Variants in ATP8A2 observed in about 807,000 individuals in gnomAD.
ATP8A2 encodes phospholipid-transporting ATPase IB.
ATP8A2 carries 100 observed loss-of-function variants against 165.6 expected under a neutral mutation model. The ratio of observed to expected loss-of-function variants is 0.60; its 90% CI spans 0.51 to 0.71. The LOEUF (loss-of-function observed/expected upper bound fraction) is 0.71. ATP8A2 is among the 30% of genes least tolerant of loss of function. The pLI, the probability that ATP8A2 is intolerant of heterozygous loss-of-function variation, is 0.00. For synonymous variants in ATP8A2, 543 were observed against 548.8 expected (o/e 0.99, Z 0.15); for missense variants, 1,227 against 1,479.5 (o/e 0.83, Z 2.80).
At chr13:25,560,067 A>G (rs555711279) in intron 15 of ATP8A2, among the ~76,000 whole-genome samples, 8 of 152,214 alleles carry the variant, frequency 5.3e-5, no homozygotes, top group African/African-American at 1.9e-4. Flanking sequence ...GCCTCAAGCT[A>G]TCCTCCCGCT....
chr13:25,925,791 G>T (rs1954588061), intron 33 of ATP8A2, among the ~76,000 whole-genome samples: 1 of 150,186 alleles, frequency 6.7e-6, no homozygotes, highest in Non-Finnish European at 1.5e-5. Flanking sequence ...GCAATGGCAT[G>T]ATCTCGGCTC....
At chr13:25,995,344 C>T (rs1956474957) in intron 35 of ATP8A2, among the ~76,000 whole-genome samples, 1 of 150,572 alleles carries the variant, frequency 6.6e-6, no homozygotes, top group Admixed American at 6.6e-5. Context: ...TGATTTCCTT[C>T]CTTCTGCTTG....
intron 33 of ATP8A2, among the ~76,000 whole-genome samples, chr13:25,905,107 G>A (rs1953893743): frequency 6.6e-6 from 1 of 151,228 alleles, no homozygotes; most frequent in Admixed American, 6.6e-5. Context: ...CCATTGTCAT[G>A]TTATTATCCA....
chr13:25,672,537 T>C (rs1178099659), intron 24 of ATP8A2, among the ~76,000 whole-genome samples: 2 of 152,202 alleles, frequency 1.3e-5, no homozygotes, highest in East Asian at 1.9e-4. Flanking sequence ...GTTTTTCAAA[T>C]CTGTGCCACC....
At chr13:25,459,562 C>A (rs7996355) in intron 1 of ATP8A2, among the ~76,000 whole-genome samples, 55,649 of 151,946 alleles carry the variant, frequency 0.37, 11,251 homozygotes, top group East Asian at 0.6. Flanking sequence ...TATGTCCATG[C>A]AAGAAATAAT....
intron 2 of ATP8A2, among the ~76,000 whole-genome samples, chr13:25,469,422 A>G (rs2035778062): frequency 6.6e-6 from 1 of 152,156 alleles, no homozygotes; most frequent in Non-Finnish European, 1.5e-5. Context: ...TGCTCTTTTC[A>G]TCCCTGGGCT....
chr13:25,653,561 TACCTATATATCAA>T (rs904186679), intron 24 of ATP8A2, among the ~76,000 whole-genome samples: 4 of 152,218 alleles, frequency 2.6e-5, no homozygotes, highest in Non-Finnish European at 4.4e-5. Flanking sequence ...GACTCAAGTT[TACCTATATATCAA>T]ACCTGCCCAT....
intron 18 of ATP8A2, 93 bp downstream of exon 18, chr13:25,571,785 A>G: frequency 1.8e-6 from 2 of 1,114,702 alleles, no homozygotes; most frequent in South Asian, 2.5e-5. Flanking sequence ...TGATAGCTAA[A>G]TTTCTCTTTC....
rs1246987391 is a variant in ATP8A2, at chr13:26,020,890, T to C, written c.*905T>C. On this transcript the variant is annotated 3_prime_UTR_variant, in exon 37 of 37. Transcript: ENST00000381655. ...AACGTCTCTCTGCCTCTGTCTGACA[T>C]GGGGCCACCCCACAGGTCAGAGTGG... is the stretch of plus-strand genomic sequence containing the variant. 1 of 152,298 alleles carries C rather than the reference T, an allele frequency of 6.6e-6. No homozygotes were observed. The highest frequency in any genetic ancestry group is 1.5e-5 in the Non-Finnish European group (1 of 68,072). The allele number at this position is 152,298 out of a possible 1,614,324, so 9.4% of individuals were successfully genotyped here. A position where few individuals can be genotyped will look rare whatever the true frequency, so the allele number is the denominator to read the frequency against.
intron 33 of ATP8A2, among the ~76,000 whole-genome samples, chr13:25,869,437 G>A (rs1018433956): frequency 2.0e-5 from 3 of 152,156 alleles, no homozygotes; most frequent in East Asian, 1.9e-4. Context: ...ACCCGAATCC[G>A]ATTTCTTTCT....
intron 2 of ATP8A2, among the ~76,000 whole-genome samples, chr13:25,501,132 TG>T (rs2036842201): frequency 6.6e-6 from 1 of 152,210 alleles, no homozygotes; most frequent in African/African-American, 2.4e-5. Context: ...AGAAGTCATG[TG>T]TTTAAAAATG....
At chr13:25,749,150 T>G (rs1303663071) in intron 25 of ATP8A2, among the ~76,000 whole-genome samples, 1 of 152,204 alleles carries the variant, frequency 6.6e-6, no homozygotes, top group South Asian at 2.1e-4. Flanking sequence ...TTTCTAACTC[T>G]TGGCAGCAGG....
At chr13:25,867,318 T>A in intron 33 of ATP8A2, among the ~76,000 whole-genome samples, 1 of 152,112 alleles carries the variant, frequency 6.6e-6, no homozygotes, top group East Asian at 1.9e-4. Flanking sequence ...CTCCCCTGGA[T>A]TTGTAGCAGG....
At chr13:25,518,082 A>C (rs2037536771) in intron 2 of ATP8A2, among the ~76,000 whole-genome samples, 7 of 152,250 alleles carry the variant, frequency 4.6e-5, no homozygotes, top group Admixed American at 4.6e-4. Context: ...GAGAAGTGGC[A>C]GAGGGCCACT....
chr13:25,871,679 G>C (rs1952681808), intron 33 of ATP8A2, among the ~76,000 whole-genome samples: 1 of 152,148 alleles, frequency 6.6e-6, no homozygotes, highest in Non-Finnish European at 1.5e-5. Context: ...TATTTTCAGT[G>C]ACTATTGCTT....
chr13:25,837,998 A>G (rs1951662699), intron 29 of ATP8A2, among the ~76,000 whole-genome samples: 1 of 152,164 alleles, frequency 6.6e-6, no homozygotes, highest in Non-Finnish European at 1.5e-5. Flanking sequence ...CCATCCAAAG[A>G]AAAGGGAGAT....
At chr13:25,427,356 A>G (rs921537053) in intron 1 of ATP8A2, among the ~76,000 whole-genome samples, 1 of 152,016 alleles carries the variant, frequency 6.6e-6, no homozygotes, top group Admixed American at 6.6e-5. Context: ...AACAAGCTCA[A>G]GGCTCCCACT....
intron 2 of ATP8A2, among the ~76,000 whole-genome samples, chr13:25,488,461 C>T (rs1343975482): frequency 6.6e-6 from 1 of 152,194 alleles, no homozygotes; most frequent in Non-Finnish European, 1.5e-5. Context: ...GGAGTCTTGC[C>T]TGGGCATGGT....
At chr13:25,928,191 T>A (rs1483960764) in intron 33 of ATP8A2, among the ~76,000 whole-genome samples, 1 of 152,226 alleles carries the variant, frequency 6.6e-6, no homozygotes, top group Non-Finnish European at 1.5e-5. Context: ...CCAGAGCAGA[T>A]GGCCAGGGGG....
Sources: gnomAD v4.1 joint callset for allele counts (sites outside exome capture counted in the v4.1 genomes callset) on GRCh38, gnomAD v4.1.1 for gene constraint, MANE v1.5 for transcripts, NCBI Gene and HGNC (gene_info 2026-07-23, HGNC 2026-07-21) for gene names.